The following DAPP1 variants were observed in gnomAD, a reference collection of about 807,000 sequenced individuals.
DAPP1 encodes dual adaptor of phosphotyrosine and 3-phosphoinositides 1, also known as dual adapter for phosphotyrosine and 3-phosphotyrosine and 3-phosphoinositide.
In DAPP1, 20 loss-of-function variants were observed where a neutral mutation model predicts 41.5. The observed-to-expected ratio is 0.48, with a 90% CI of 0.34 to 0.70. DAPP1 has a LOEUF of 0.70. DAPP1 is among the 30% of genes least tolerant of loss of function. The pLI is 0.01. For synonymous variants in DAPP1, 113 were observed against 116.2 expected, an observed-to-expected ratio of 0.97 and a Z score of 0.18; for missense variants, 233 against 333.4, an observed-to-expected ratio of 0.70 and a Z score of 2.35.
intron 4 of DAPP1, among the ~76,000 whole-genome samples, chr4:99,855,710 G>C (rs890563663): frequency 6.6e-6 from 1 of 152,152 alleles, no homozygotes; most frequent in Non-Finnish European, 1.5e-5. Flanking sequence ...ATAGCTGCTG[G>C]GGAAAGAGTT....
At chr4:99,846,002 C>T (rs901067611) in intron 3 of DAPP1, among the ~76,000 whole-genome samples, 11 of 152,122 alleles carry the variant, frequency 7.2e-5, no homozygotes, top group African/African-American at 2.7e-4. Flanking sequence ...AATGAAGCTT[C>T]TCGATGTTTT....
intron 1 of DAPP1, among the ~76,000 whole-genome samples, chr4:99,834,790 G>A (rs1324630708): frequency 6.6e-6 from 1 of 152,152 alleles, no homozygotes; most frequent in East Asian, 1.9e-4. Flanking sequence ...GAAATCGATT[G>A]CCTCACAGTT....
chr4:99,822,152 TGTG>T (rs1722793757), intron 1 of DAPP1, among the ~76,000 whole-genome samples: 1 of 152,192 alleles, frequency 6.6e-6, no homozygotes, highest in Non-Finnish European at 1.5e-5. Flanking sequence ...CCTCTTCAGT[TGTG>T]GTGTTTTTCT....
intron 1 of DAPP1, among the ~76,000 whole-genome samples, chr4:99,829,324 A>G (rs1221466838): frequency 2.6e-5 from 4 of 152,066 alleles, no homozygotes; most frequent in Admixed American, 6.6e-5. Context: ...TATTAAAAAT[A>G]CAAAAATTTG....
chr4:99,852,493 C>G lies in DAPP1; in HGVS notation c.359-725C>G, dbSNP rs76413259. Among the ~76,000 whole-genome samples, 1,276 of 152,292 alleles carry G rather than the reference C, an allele frequency of 8.4e-3. 18 individuals are homozygous for G. Among genetic ancestry groups the G allele is most frequent in the African/African-American group, 0.029 (1,196 of 41,572 alleles). ...CTTGGAACAAAGTTCCCCAGCCCCC[C>G]ATGCCTGGACCCCCTGGGCTGAGCC... On this transcript the variant is annotated intron_variant, in intron 3 of 8. Transcript: ENST00000512369.
chr4:99,823,630 T>C (rs1357150506), intron 1 of DAPP1, among the ~76,000 whole-genome samples: 1 of 152,248 alleles, frequency 6.6e-6, no homozygotes, highest in Non-Finnish European at 1.5e-5. Context: ...ATCTAGATTC[T>C]GGAGGGCCTA....
chr4:99,837,687 A>G (rs893101848), intron 2 of DAPP1, among the ~76,000 whole-genome samples: 2 of 152,224 alleles, frequency 1.3e-5, no homozygotes, highest in African/African-American at 4.8e-5. Context: ...ATTTTGCCAC[A>G]GACCGGAGCA....
chr4:99,868,094 C>T, intron 8 of DAPP1, 23 bp from the exon 9 acceptor site: 2 of 1,602,212 alleles, frequency 1.2e-6, no homozygotes, highest in Non-Finnish European at 1.7e-6. Flanking sequence ...ATAATGGATA[C>T]ACGTGTGTGT....
intron 3 of DAPP1, among the ~76,000 whole-genome samples, chr4:99,850,033 C>T (rs963142782): frequency 1.4e-4 from 21 of 152,326 alleles, no homozygotes; most frequent in African/African-American, 4.8e-4. Flanking sequence ...AGACCCATTT[C>T]GAACTTCTGA....
At chr4:99,861,674 C>T (rs373427032) in intron 5 of DAPP1, 49 bp downstream of exon 5, 234 of 1,532,386 alleles carry the variant, frequency 1.5e-4, no homozygotes, top group African/African-American at 2.1e-4. Context: ...AAAGAGAACA[C>T]GTCATGTAGA....
At chr4:99,871,433 C>CTA (rs1724625739), downstream of DAPP1, among the ~76,000 whole-genome samples, 6 of 151,866 alleles carry the variant, frequency 4.0e-5, no homozygotes, top group Admixed American at 3.3e-4. Context: ...AATTTATAAT[C>CTA]TATCACAGAC....
chr4:99,830,164 C>A, intron 1 of DAPP1, among the ~76,000 whole-genome samples: 1 of 152,172 alleles, frequency 6.6e-6, no homozygotes, highest in Admixed American at 6.5e-5. Flanking sequence ...CGGGAGATGA[C>A]CTGAGGTCAG....
At chr4:99,843,046 C>G (rs1397295503) in intron 3 of DAPP1, among the ~76,000 whole-genome samples, 2 of 152,130 alleles carry the variant, frequency 1.3e-5, no homozygotes, top group Non-Finnish European at 2.9e-5. Context: ...TCCCAGGGCT[C>G]TCAACTTCAG....
chr4:99,841,034 T>A (rs937798132), intron 3 of DAPP1, among the ~76,000 whole-genome samples: 2 of 152,204 alleles, frequency 1.3e-5, no homozygotes, highest in African/African-American at 4.8e-5. Flanking sequence ...AGATTGAACA[T>A]CTTGTTTATT....
At position 99,853,256 on chromosome 4, in the gene DAPP1, G is replaced by A. The variant is rs750309314; in HGVS notation, c.397G>A (p.Val133Met). Reference protein sequence around the residue: ...MVLKHPYPRKVEEPSIYESVR... With the variant: ...MVLKHPYPRKMEEPSIYESVR... ...TCTAAAACATCCCTACCCAAGAAAA[G>A]TGGAAGAACCCTCCATTTATGAATC... Residue 133 changes from valine (V) to methionine (M), a missense_variant, in exon 4 of 9, where the codon GTG (valine) becomes ATG (methionine). By Grantham distance (21) the Val-to-Met change is conservative. Transcript: ENST00000512369. The A allele has an allele frequency of 6.2e-7, 1 of 1,613,890 alleles. No individual in the cohort carries two copies. The highest frequency in any genetic ancestry group is 8.5e-7 in the Non-Finnish European group (1 of 1,179,864).
chr4:99,828,415 A>C (rs1000716257), intron 1 of DAPP1, among the ~76,000 whole-genome samples: 2 of 152,208 alleles, frequency 1.3e-5, no homozygotes, highest in African/African-American at 4.8e-5. Flanking sequence ...ATATATACAG[A>C]GTGATATAAA....
At chr4:99,823,694 G>A (rs1442207407) in intron 1 of DAPP1, among the ~76,000 whole-genome samples, 1 of 152,132 alleles carries the variant, frequency 6.6e-6, no homozygotes, top group Non-Finnish European at 1.5e-5. Flanking sequence ...ATAGGAATGT[G>A]GAATTACATA....
intron 4 of DAPP1, among the ~76,000 whole-genome samples, chr4:99,858,436 T>G (rs1435872331): frequency 6.6e-6 from 1 of 152,254 alleles, no homozygotes; most frequent in Non-Finnish European, 1.5e-5. Flanking sequence ...TCACTGTGTC[T>G]TCTCAGATGG....
At chr4:99,837,174 G>A (rs918011743) in intron 2 of DAPP1, among the ~76,000 whole-genome samples, 1 of 152,228 alleles carries the variant, frequency 6.6e-6, no homozygotes, top group Non-Finnish European at 1.5e-5. Context: ...ATTAGTTCAG[G>A]CCCACTCAGA....
Sources: allele counts gnomAD v4.1 joint callset (sites outside exome capture counted in the v4.1 genomes callset), GRCh38; gene constraint gnomAD v4.1.1; transcripts MANE v1.5; gene names NCBI Gene and HGNC (gene_info 2026-07-23, HGNC 2026-07-21).